Variants in TOR3A observed in about 807,000 individuals in gnomAD.
TOR3A encodes torsin family 3 member A.
Under a neutral mutation model 42.1 loss-of-function variants are expected in TOR3A, and 44 were observed. The observed-to-expected ratio is 1.04, with a 90% CI of 0.82 to 1.34. The LOEUF (loss-of-function observed/expected upper bound fraction) is 1.34. Among genes scored for constraint, TOR3A ranks in the 40% most tolerant of loss-of-function variants. The pLI is 0.00. For missense variants in TOR3A, 521 were observed against 507.6 expected (o/e 1.03, Z -0.25); for synonymous variants, 227 against 213.2 (o/e 1.06, Z -0.57).
At chr1:179,082,435 G>A (rs773419116) in intron 1 of TOR3A, 48 bp downstream of exon 1, 1 of 1,556,656 alleles carries the variant, frequency 6.4e-7, no homozygotes, top group East Asian at 2.3e-5. Flanking sequence ...AGCAGAGTGC[G>A]ATCCGGGCGC....
chr1:179,088,342 T>G, intron 4 of TOR3A: 2 of 268,318 alleles, frequency 7.5e-6, no homozygotes, highest in Non-Finnish European at 1.4e-5. Flanking sequence ...ACCCCATCTC[T>G]ACAAAAAATA....
Position 179,093,639 on chromosome 1 carries a change from A to G in TOR3A, c.819-454A>G, listed in dbSNP as rs146521009. 1.1e-3 allele frequency among the ~76,000 whole-genome samples: 160 copies of G among 152,274 alleles called. 2 individuals are homozygous for G. The highest frequency in any genetic ancestry group is 1.8e-3 in the Non-Finnish European group (122 of 68,026). ...GTGCTCCTCTGGCGCACCCAGGCCT[A>G]GACACTTCCCTTCCTTGCCAAGTGT... On this transcript the variant is annotated intron_variant, in intron 4 of 5. Transcript: ENST00000367627.
intron 3 of TOR3A, among the ~76,000 whole-genome samples, chr1:179,087,120 C>T (rs1034336337): frequency 6.6e-6 from 1 of 152,244 alleles, no homozygotes; most frequent in African/African-American, 2.4e-5. Context: ...AAAGGTGCAC[C>T]CAGTAGACAG....
At chr1:179,090,474 G>A (rs1265656496) in intron 4 of TOR3A, among the ~76,000 whole-genome samples, 1 of 152,252 alleles carries the variant, frequency 6.6e-6, no homozygotes, top group Non-Finnish European at 1.5e-5. Context: ...GGATTCTAGG[G>A]CATGAAAGAA....
At position 179,088,075 on chromosome 1, in the gene TOR3A, CTT is replaced by C. The variant is rs1463076608; in HGVS notation, c.806_807del (p.Phe269SerfsTer5). On this transcript the variant is annotated frameshift_variant, in exon 4 of 6. Coordinates refer to ENST00000367627, the MANE Select transcript of TOR3A (RefSeq NM_022371.4). LOFTEE classifies it high-confidence loss of function. ...GHRAESPWTI[F>X]LFLSNLRGDI... is the part of the protein sequence containing the mutation. ...ACAGGGCTGAGTCTCCATGGACTAT[CTT>C]TCTGTTTCTCAGGTGGGTTCTGGGG... 6.3e-7 allele frequency: 1 copy of C among 1,591,050 alleles called. No individual in the cohort carries two copies. Among genetic ancestry groups the C allele is most frequent in the Non-Finnish European group, 8.5e-7 (1 of 1,170,718 alleles).
At position 179,094,108 on chromosome 1, in the gene TOR3A, T is replaced by C; in HGVS notation, c.834T>C (p.Asp278=). The change falls in exon 5 of 6, where the codon GAT becomes GAC. Residue 278 remains aspartate (D), a synonymous_variant. Coordinates refer to ENST00000367627, the MANE Select transcript of TOR3A (RefSeq NM_022371.4). ...IFLFLSNLRG[D]IINEVVLKLL... ...TCTCTTTCAGTAATCTCAGGGGCGA[T>C]ATAATCAATGAGGTGGTCCTAAAGT... is the stretch of plus-strand genomic sequence containing the variant. 2 of 1,613,674 alleles carry C rather than the reference T, an allele frequency of 1.2e-6. No individual in the cohort carries two copies. The highest frequency in any genetic ancestry group is 1.7e-6 in the Non-Finnish European group (2 of 1,179,818).
chr1:179,094,949 A>C lies in TOR3A; in HGVS notation c.944-19A>C. On this transcript the variant is annotated intron_variant, in intron 5 of 5. Coordinates refer to ENST00000367627, the MANE Select transcript of TOR3A (RefSeq NM_022371.4). ...TCAGTCCTAGGTCAGACTCCATGTA[A>C]CTTTGGTCTTGCTTTCAGACAATGG... 1 of 1,613,768 alleles carries C rather than the reference A, an allele frequency of 6.2e-7. No homozygotes were observed.
Position 179,085,609 on chromosome 1 carries a change from A to T in TOR3A, c.374-19A>T, listed in dbSNP as rs894031447. On this transcript the variant is annotated intron_variant, in intron 2 of 5. Transcript: ENST00000367627. Reference sequence around the variant, plus strand: ...CCTGTGTGTGCCTTTTGCTGTGACTACCTCTTTCCTGTCCTTAGGCTTAGA... The same window carrying T: ...CCTGTGTGTGCCTTTTGCTGTGACTTCCTCTTTCCTGTCCTTAGGCTTAGA... 8.7e-6 allele frequency: 14 copies of T among 1,609,886 alleles called. No individual in the cohort carries two copies. The African/African-American group carries it at 1.2e-4, about 14-fold the overall frequency.
At chr1:179,090,530 C>T (rs1013928876) in intron 4 of TOR3A, among the ~76,000 whole-genome samples, 1 of 152,184 alleles carries the variant, frequency 6.6e-6, no homozygotes, top group Non-Finnish European at 1.5e-5. Context: ...TCATACTGCA[C>T]GAAGGAAGAG....
At chr1:179,084,767 G>A (rs779090919) in intron 2 of TOR3A, among the ~76,000 whole-genome samples, 2 of 152,166 alleles carry the variant, frequency 1.3e-5, no homozygotes, top group Non-Finnish European at 2.9e-5. Context: ...AATTGATCCT[G>A]GATTTGGAAT....
At position 179,095,740 on chromosome 1, in the gene TOR3A, A is replaced by G. The variant is rs1046385; in HGVS notation, c.*522A>G. 0.72 allele frequency: 708,630 copies of G among 988,996 alleles called. 255,643 individuals carry two copies. The highest frequency in any genetic ancestry group is 0.94 in the African/African-American group (53,706 of 57,306). The allele number at this position is 988,996 out of a possible 1,614,324, so 61.3% of individuals were successfully genotyped here. A position where few individuals can be genotyped will look rare whatever the true frequency, so the allele number is the denominator to read the frequency against. On this transcript the variant is annotated 3_prime_UTR_variant, in exon 6 of 6. Transcript: ENST00000367627. ...GGTGGAGAATACACTCTAGGTTTGCAGGCTGGTGGGCTTTCAAATTGGTAC... is the reference window on the plus strand; with the variant it reads ...GGTGGAGAATACACTCTAGGTTTGCGGGCTGGTGGGCTTTCAAATTGGTAC...
chr1:179,092,312 A>T (rs1215751199), intron 4 of TOR3A, among the ~76,000 whole-genome samples: 2 of 152,192 alleles, frequency 1.3e-5, no homozygotes, highest in Non-Finnish European at 2.9e-5. Context: ...GGTAGGTGTC[A>T]TGGGGGCTTT....
At chr1:179,094,265 T>C (rs765441852) in intron 5 of TOR3A, 48 bp downstream of exon 5, 1 of 1,582,162 alleles carries the variant, frequency 6.3e-7, no homozygotes, top group Admixed American at 1.8e-5. Flanking sequence ...CAGCTGGTGA[T>C]AATTAATGTG....
rs1652483822 is a variant in TOR3A, at chr1:179,088,070, A to T, written c.799A>T (p.Thr267Ser). 4.4e-6 allele frequency: 7 copies of T among 1,596,368 alleles called. No homozygotes were observed. The highest frequency in any genetic ancestry group is 2.3e-5 in the East Asian group (1 of 44,404). The change falls in exon 4 of 6, where the codon ACT becomes TCT. Residue 267 changes from threonine (T) to serine (S), a missense_variant. Coordinates refer to ENST00000367627, the MANE Select transcript of TOR3A (RefSeq NM_022371.4). ...GGGCCACAGGGCTGAGTCTCCATGG[A>T]CTATCTTTCTGTTTCTCAGGTGGGT... ...PEGHRAESPW[T>S]IFLFLSNLRG...
intron 2 of TOR3A, among the ~76,000 whole-genome samples, chr1:179,084,242 A>G (rs1287018073): frequency 6.6e-6 from 1 of 151,626 alleles, no homozygotes; most frequent in East Asian, 1.9e-4. Flanking sequence ...TATTTTTTTT[A>G]CTTATTTATT....
At position 179,082,245 on chromosome 1, in the gene TOR3A, CT is replaced by C. The variant is rs1652306398; in HGVS notation, c.118del (p.Trp40GlyfsTer62). On this transcript the variant is annotated frameshift_variant, in exon 1 of 6. Transcript: ENST00000367627. LOFTEE classifies it high-confidence loss of function. Reference sequence around the variant, plus strand: ...AGGGAACCGACGAGCCGGGCTCGGCCTGGGCCTGGCCGGGCTTCCAGCGCCT... The same window carrying C: ...AGGGAACCGACGAGCCGGGCTCGGCCGGGCCTGGCCGGGCTTCCAGCGCCT... ...WEGTDEPGSA[W>X]AWPGFQRLQE... 1 of 1,541,874 alleles carries C rather than the reference CT, an allele frequency of 6.5e-7. No individual in the cohort carries two copies. Among genetic ancestry groups the C allele is most frequent in the Non-Finnish European group, 8.7e-7 (1 of 1,151,718 alleles).
At chr1:179,088,760 G>C (rs777435851) in intron 4 of TOR3A, among the ~76,000 whole-genome samples, 3 of 152,186 alleles carry the variant, frequency 2.0e-5, no homozygotes, top group African/African-American at 4.8e-5. Context: ...ACATCTTTGC[G>C]TGAAGCCAAC....
intron 5 of TOR3A, 66 bp downstream of exon 5, chr1:179,094,283 GA>G (rs1185776223): frequency 6.4e-7 from 1 of 1,554,874 alleles, no homozygotes; most frequent in African/African-American, 1.4e-5. Context: ...GTGTTTGTTG[GA>G]ATGTGTGTTT....
At chr1:179,084,977 C>T (rs1652389567) in intron 2 of TOR3A, among the ~76,000 whole-genome samples, 1 of 152,214 alleles carries the variant, frequency 6.6e-6, no homozygotes, top group African/African-American at 2.4e-5. Context: ...AAACAGGGAG[C>T]CCTGAAACCA....
Sources: gnomAD v4.1 joint callset for allele counts (sites outside exome capture counted in the v4.1 genomes callset) on GRCh38, gnomAD v4.1.1 for gene constraint, MANE v1.5 for transcripts, NCBI Gene and HGNC (gene_info 2026-07-23, HGNC 2026-07-21) for gene names.